Variants in PCDH18 observed in about 807,000 individuals in gnomAD.
PCDH18 encodes protocadherin-18.
A neutral mutation model predicts 71.5 loss-of-function variants in PCDH18; 38 were observed. That is an observed-to-expected ratio of 0.53 (90% CI 0.41 to 0.70). PCDH18 has a LOEUF of 0.70. Among genes scored for constraint, PCDH18 ranks in the 30% least tolerant of loss-of-function variants. The pLI is 0.00. For synonymous variants in PCDH18, 565 were observed against 505.4 expected, an observed-to-expected ratio of 1.12 and a Z score of -1.58; for missense variants, 1,334 against 1,384.6, an observed-to-expected ratio of 0.96 and a Z score of 0.58.
chr4:137,524,795 A>C (rs1232887104), intron 3 of PCDH18, among the ~76,000 whole-genome samples: 3 of 152,174 alleles, frequency 2.0e-5, no homozygotes, highest in Admixed American at 6.5e-5. Context: ...ATTGATTTTG[A>C]GCCAAAAAAT....
chr4:137,528,944 A>G, intron 1 of PCDH18, 124 bp from the exon 2 acceptor site: 1 of 739,604 alleles, frequency 1.4e-6, no homozygotes, highest in East Asian at 2.6e-5. Flanking sequence ...CTCTATTTAA[A>G]AGATTTGCAA....
Position 137,530,114 on chromosome 4 carries a change from G to A in PCDH18, c.1975C>T (p.Gln659Ter). The A allele has an allele frequency of 1.2e-6, 2 of 1,613,460 alleles. No homozygotes were observed. The highest frequency in any genetic ancestry group is 1.7e-6 in the Non-Finnish European group (2 of 1,179,434). Residue 659 changes from glutamine to a stop codon, truncating the protein, a stop_gained, in exon 1 of 4, where the codon CAG becomes TAG. Transcript: ENST00000344876. LOFTEE classifies it high-confidence loss of function. ...YTEWELSVII[Q>*]DKGNPQLHTK... is the part of the protein sequence containing the mutation. ...TGTAGCTGAGGATTGCCTTTGTCCT[G>A]AATGATAACTGACAGCTCCCATTCT...
In PCDH18 at chr4:137,526,480, A is replaced by G. The variant is rs190600732; in HGVS notation, c.2740+1998T>C. ...CCAACTCCTTTATTACACAAGTACG[A>G]ATAAGAAAACTGATTCTCTTTGAGC... is the stretch of plus-strand genomic sequence containing the variant. On this transcript the variant is annotated intron_variant, in intron 3 of 3. Coordinates refer to ENST00000344876, the MANE Select transcript of PCDH18 (RefSeq NM_019035.5). 1.2e-3 allele frequency among the ~76,000 whole-genome samples: 189 copies of G among 152,280 alleles called. 1 individual carries two copies. The highest frequency in any genetic ancestry group is 4.4e-3 in the African/African-American group (183 of 41,568).
Position 137,520,285 on chromosome 4 carries a change from T to C in PCDH18, c.*744A>G, listed in dbSNP as rs1377864271. Reference sequence around the variant, plus strand: ...ATTGTTTACCATAATTATAAGTAGATAATAATATTGTGAGAGAAATATTCT... The same window carrying C: ...ATTGTTTACCATAATTATAAGTAGACAATAATATTGTGAGAGAAATATTCT... On this transcript the variant is annotated 3_prime_UTR_variant, in exon 4 of 4. Coordinates refer to ENST00000344876, the MANE Select transcript of PCDH18 (RefSeq NM_019035.5). The C allele has an allele frequency of 2.0e-5, 3 of 152,314 alleles. No homozygotes were observed. Among genetic ancestry groups the C allele is most frequent in the Non-Finnish European group, 4.4e-5 (3 of 68,036 alleles). The allele number at this position is 152,314 out of a possible 1,614,324, so 9.4% of individuals were successfully genotyped here.
chr4:137,524,613 G>A (rs1731393290), intron 3 of PCDH18, among the ~76,000 whole-genome samples: 1 of 152,134 alleles, frequency 6.6e-6, no homozygotes, highest in Admixed American at 6.6e-5. Context: ...CAGGTAGGAA[G>A]GACACCATGA....
At position 137,529,854 on chromosome 4, in the gene PCDH18, G is replaced by A; in HGVS notation, c.2235C>T (p.His745=). ...TCTGCCGGGATGGCCTTTTTGGGTG[G>A]TGCTGGTAAGTTGATTCGGCCACCC... The part of the protein sequence containing the change: ...NCRVAESTYQ[H]HPKRPSRQIH... Residue 745 remains histidine, a synonymous_variant, in exon 1 of 4, where the codon CAC becomes CAT. Coordinates refer to ENST00000344876, the MANE Select transcript of PCDH18 (RefSeq NM_019035.5). 2 of 1,613,212 alleles carry A rather than the reference G, an allele frequency of 1.2e-6. No homozygotes were observed. The highest frequency in any genetic ancestry group is 8.5e-7 in the Non-Finnish European group (1 of 1,179,470).
intron 1 of PCDH18, 45 bp from the exon 2 acceptor site, chr4:137,528,865 A>C (rs773793903): frequency 2.4e-6 from 3 of 1,253,392 alleles, no homozygotes; most frequent in Non-Finnish European, 3.5e-6. Context: ...ACAAGCCTCC[A>C]AACACTCACA....
At position 137,520,278 on chromosome 4, in the gene PCDH18, A is replaced by C. The variant is rs1283566385; in HGVS notation, c.*751T>G. 6.6e-6 allele frequency: 1 copy of C among 152,400 alleles called. No homozygotes were observed. The highest frequency in any genetic ancestry group is 1.5e-5 in the Non-Finnish European group (1 of 68,044). The allele number at this position is 152,400 out of a possible 1,614,324, so 9.4% of individuals were successfully genotyped here. Reference sequence around the variant, plus strand: ...AAAATTTATTGTTTACCATAATTATAAGTAGATAATAATATTGTGAGAGAA... The same window carrying C: ...AAAATTTATTGTTTACCATAATTATCAGTAGATAATAATATTGTGAGAGAA... On this transcript the variant is annotated 3_prime_UTR_variant, in exon 4 of 4. Coordinates refer to ENST00000344876, the MANE Select transcript of PCDH18 (RefSeq NM_019035.5).
Position 137,531,832 on chromosome 4 carries a change from A to C in PCDH18, c.257T>G (p.Ile86Ser). 1 of 1,614,080 alleles carries C rather than the reference A, an allele frequency of 6.2e-7. No individual in the cohort carries two copies. Among genetic ancestry groups the C allele is most frequent in the Non-Finnish European group, 8.5e-7 (1 of 1,180,004 alleles). ...ACGGTCAATTGTAGCCCCTATGCTGATTTCCCCATTATCCTCGTTTACTAC... is the reference window on the plus strand; with the variant it reads ...ACGGTCAATTGTAGCCCCTATGCTGCTTTCCCCATTATCCTCGTTTACTAC... Reference protein sequence around the residue: ...LLVVNEDNGEISIGATIDREQ... With the variant: ...LLVVNEDNGESSIGATIDREQ... The change falls in exon 1 of 4, where the codon ATC becomes AGC. Residue 86 changes from isoleucine to serine, a missense_variant. By Grantham distance (142) the Ile-to-Ser change is moderately radical. Around this residue, in one of 3 missense-constraint regions of PCDH18, gnomAD observed 1,011 missense variants for 1,048.0 expected, o/e 0.96. Transcript: ENST00000344876.
rs1731678559 is a variant in PCDH18 at position 137,531,179 on chromosome 4, C to T, written c.910G>A (p.Gly304Arg). 1.2e-6 allele frequency: 2 copies of T among 1,612,612 alleles called. No individual in the cohort carries two copies. The highest frequency in any genetic ancestry group is 1.1e-5 in the South Asian group (1 of 91,022). The change falls in exon 1 of 4, where the codon GGA becomes AGA. Residue 304 changes from glycine (G) to arginine (R), a missense_variant. This residue lies in a region of PCDH18 where 1,011 missense variants were observed against 1,048.0 expected (regional missense o/e 0.96). Transcript: ENST00000344876. ...ACTTGCTTGAAAAGAGTCAAATGTC[C>T]TCTTTCAGAATCAATTTTAAAAGTC... The part of the protein sequence containing the change: ...METFKIDSER[G>R]HLTLFKQVDY...
In PCDH18 at chr4:137,531,641, C is replaced by T; in HGVS notation, c.448G>A (p.Ala150Thr). The T allele has an allele frequency of 6.2e-7, 1 of 1,613,914 alleles. No homozygotes were observed. Among genetic ancestry groups the T allele is most frequent in the African/African-American group, 1.3e-5 (1 of 75,040 alleles). The change falls in exon 1 of 4, where the codon GCA (alanine) becomes ACA (threonine). Residue 150 changes from alanine to threonine, a missense_variant. By Grantham distance (58) the Ala-to-Thr change is moderately conservative (BLOSUM62 0). Transcript: ENST00000344876. ...SLIPIEISESAAVGTRIPLDS... is the reference protein window; with the variant it reads ...SLIPIEISESTAVGTRIPLDS... ...AGGGGAATGCGAGTCCCAACTGCTG[C>T]ACTCTCAGATATCTCAATAGGTATG...
chr4:137,529,736 A>G lies in PCDH18; in HGVS notation c.2353T>C (p.Leu785=). ...HRSSPSSSPT[L]ERGQMGSRQS... The stretch of plus-strand genomic sequence containing the variant: ...CGGCTGCCCATCTGCCCTCTTTCTA[A>G]GGTAGGAGATGAAGATGGAGACGAT... Residue 785 remains leucine, a synonymous_variant, in exon 1 of 4, where the codon TTA becomes CTA. Transcript: ENST00000344876. 6.2e-7 allele frequency: 1 copy of G among 1,613,886 alleles called. No homozygotes were observed. Among genetic ancestry groups the G allele is most frequent in the South Asian group, 1.1e-5 (1 of 91,066 alleles).
chr4:137,528,340 A>G, intron 3 of PCDH18, 138 bp downstream of exon 3: 1 of 675,864 alleles, frequency 1.5e-6, no homozygotes, highest in Non-Finnish European at 2.6e-6. Context: ...AACAGTGATG[A>G]ACATACTATA....
At position 137,521,256 on chromosome 4, in the gene PCDH18, G is replaced by A. The variant is rs1351710099; in HGVS notation, c.3181C>T (p.His1061Tyr). The A allele has an allele frequency of 6.2e-7, 1 of 1,614,012 alleles. No individual in the cohort carries two copies. Among genetic ancestry groups the A allele is most frequent in the African/African-American group, 1.3e-5 (1 of 74,950 alleles). ...QGVAAWAAST[H>Y]FQNPTTNCGP... is the part of the protein sequence containing the mutation. ...CAGTTGGTGGTGGGATTTTGAAAAT[G>A]CGTACTGGCTGCCCATGCCGCTACC... is the stretch of plus-strand genomic sequence containing the variant. The change falls in exon 4 of 4, where the codon CAT becomes TAT. Residue 1061 changes from histidine (H) to tyrosine (Y), a missense_variant. By Grantham distance (83) the His-to-Tyr change is moderately conservative. This residue lies in a region of PCDH18 where 319 missense variants were observed against 316.3 expected (regional missense o/e 1.01). Transcript: ENST00000344876.
chr4:137,529,093 T>C (rs949684311), intron 1 of PCDH18: 12 of 423,006 alleles, frequency 2.8e-5, no homozygotes, highest in Non-Finnish European at 4.6e-5. Context: ...TTATTTTCTT[T>C]ATAATTCAGA....
Position 137,529,661 on chromosome 4 carries a change from A to T in PCDH18, c.2428T>A (p.Ser810Thr). 1 of 1,613,678 alleles carries T rather than the reference A, an allele frequency of 6.2e-7. No individual in the cohort carries two copies. The highest frequency in any genetic ancestry group is 1.1e-5 in the South Asian group (1 of 91,050). ...QSLNSLVTISSNHVPENFSLE... is the reference protein window; with the variant it reads ...QSLNSLVTISTNHVPENFSLE... The stretch of plus-strand genomic sequence containing the variant: ...GAGAAATTCTCTGGCACGTGGTTTG[A>T]TGAGATTGTCACCAAACTGTTGAGT... Residue 810 changes from serine to threonine, a missense_variant, in exon 1 of 4, where the codon TCA becomes ACA. Around this residue, in one of 3 missense-constraint regions of PCDH18, gnomAD observed 1,011 missense variants for 1,048.0 expected, o/e 0.96. Transcript: ENST00000344876.
At chr4:137,528,368 T>C in intron 3 of PCDH18, 110 bp downstream of exon 3, 1 of 810,412 alleles carries the variant, frequency 1.2e-6, no homozygotes, top group Non-Finnish European at 2.0e-6. Flanking sequence ...TTATAAATAC[T>C]TTAGTGCAAG....
intron 3 of PCDH18, among the ~76,000 whole-genome samples, chr4:137,525,846 A>AT (rs1160844305): frequency 3.9e-5 from 6 of 152,006 alleles, no homozygotes; most frequent in East Asian, 3.9e-4. Flanking sequence ...CAAATATGAG[A>AT]TTTTTTTTTA....
At position 137,530,256 on chromosome 4, in the gene PCDH18, A is replaced by G. The variant is rs113293404; in HGVS notation, c.1833T>C (p.Gly611=). ...TRIRAIDRDS[G]VNAELSCAIV... ...TGGCGCAGCTGAGTTCAGCATTCAC[A>G]CCAGAGTCTCTGTCAATTGCCCTTA... Residue 611 remains glycine, a synonymous_variant, in exon 1 of 4, where the codon GGT becomes GGC. Transcript: ENST00000344876. 2.3e-4 allele frequency: 365 copies of G among 1,614,070 alleles called. 2 individuals are homozygous for G. In the African/African-American group the frequency reaches 4.3e-3, roughly 19 times the overall value.
Sources: allele counts gnomAD v4.1 joint callset (sites outside exome capture counted in the v4.1 genomes callset), GRCh38; gene constraint gnomAD v4.1.1; regional missense constraint gnomAD v4.1.1; transcripts MANE v1.5; gene names NCBI Gene and HGNC (gene_info 2026-07-23, HGNC 2026-07-21).